DCHS2: variants seen among roughly 807,000 people sequenced by gnomAD.
DCHS2 encodes dachsous cadherin-related 2.
A neutral mutation model predicts 182.4 loss-of-function variants in DCHS2; 142 were observed. The observed-to-expected ratio is 0.78, with a 90% confidence interval of 0.68 to 0.89. The LOEUF (loss-of-function observed/expected upper bound fraction) is 0.89, where lower values mean the gene tolerates loss of function less well. Among genes scored for constraint, DCHS2 ranks in the 40% least tolerant of loss-of-function variants. The pLI, the probability that DCHS2 is intolerant of heterozygous loss-of-function variation, is 0.00. For missense variants in DCHS2, 4,319 were observed against 4,198.6 expected, an observed-to-expected ratio of 1.03 and a Z score of -0.79; for synonymous variants, 1,740 against 1,663.3, an observed-to-expected ratio of 1.05 and a Z score of -1.12.
chr4:154,439,123 C>T (rs1733893892), intron 1 of DCHS2, among the ~76,000 whole-genome samples: 2 of 152,168 alleles, frequency 1.3e-5, no homozygotes, highest in South Asian at 4.1e-4. Flanking sequence ...TTTGACAATA[C>T]ATTTAATACA....
chr4:154,242,923 T>G lies in DCHS2; in HGVS notation c.6942-151A>C. 4.8e-6 allele frequency: 6 copies of G among 1,260,780 alleles called. No homozygotes were observed. The South Asian group carries it at 1.0e-4, about 21-fold the overall frequency. 78.1% of individuals were successfully genotyped at this position (1,260,780 alleles called of 1,614,324 possible). ...ATTTTCTAAATGGCATCATTTAAAA[T>G]GTATTTCATAAGAATGGTACTCTGA... is the stretch of plus-strand genomic sequence containing the variant. On this transcript the variant is annotated intron_variant, in intron 16 of 19. Coordinates refer to ENST00000357232, the MANE Select transcript of DCHS2 (RefSeq NM_001358235.2).
At chr4:154,265,071 C>A (rs539669227) in intron 14 of DCHS2, among the ~76,000 whole-genome samples, 1 of 152,136 alleles carries the variant, frequency 6.6e-6, no homozygotes, top group Non-Finnish European at 1.5e-5. Context: ...TAACTTCAGA[C>A]AGGGGAAAGT....
At chr4:154,399,530 T>C (rs1349578982) in intron 1 of DCHS2, among the ~76,000 whole-genome samples, 1 of 152,082 alleles carries the variant, frequency 6.6e-6, no homozygotes, top group Non-Finnish European at 1.5e-5. Context: ...CTGGAGGTAA[T>C]GGCTAAAAAC....
At chr4:154,250,156 C>T (rs1038999029) in intron 16 of DCHS2, among the ~76,000 whole-genome samples, 1 of 152,128 alleles carries the variant, frequency 6.6e-6, no homozygotes, top group African/African-American at 2.4e-5. Flanking sequence ...GAGAGTCTCA[C>T]AACCAATACC....
rs1735165084 is a variant in DCHS2, at chr4:154,464,718, G to C, written c.2052+24586C>G. ...ATGGGTTCCAGCAGGGAGAACTAGA[G>C]ACTGAGGCTGAACAGGATTTGCAAT... On this transcript the variant is annotated intron_variant, in intron 1 of 19. Coordinates refer to ENST00000357232, the MANE Select transcript of DCHS2 (RefSeq NM_001358235.2). 2.0e-5 allele frequency among the ~76,000 whole-genome samples: 3 copies of C among 152,262 alleles called. No individual in the cohort carries two copies. The South Asian group carries it at 6.2e-4, about 32-fold the overall frequency.
At chr4:154,354,315 T>G (rs529082237) in intron 3 of DCHS2, among the ~76,000 whole-genome samples, 32 of 152,370 alleles carry the variant, frequency 2.1e-4, no homozygotes, top group Middle Eastern at 3.4e-3. Flanking sequence ...ATTTTAGTAT[T>G]TTCCCCTGTC....
chr4:154,296,498 A>G (rs1470180081), intron 13 of DCHS2, among the ~76,000 whole-genome samples: 1 of 152,196 alleles, frequency 6.6e-6, no homozygotes, highest in Admixed American at 6.5e-5. Flanking sequence ...AAGAACTTTT[A>G]CCAACCAAAA....
chr4:154,423,432 G>T (rs1025622595), intron 1 of DCHS2, among the ~76,000 whole-genome samples: 2 of 152,104 alleles, frequency 1.3e-5, no homozygotes, highest in Non-Finnish European at 1.5e-5. Flanking sequence ...TGAATAATTG[G>T]TTGTCTCTCC....
intron 5 of DCHS2, among the ~76,000 whole-genome samples, chr4:154,331,919 CTT>C (rs1736546471): frequency 6.6e-6 from 1 of 152,154 alleles, no homozygotes; most frequent in Non-Finnish European, 1.5e-5. Flanking sequence ...TTAATTCAGA[CTT>C]TAAAAATTTC....
chr4:154,468,798 A>G (rs1470568810), intron 1 of DCHS2, among the ~76,000 whole-genome samples: 2 of 152,182 alleles, frequency 1.3e-5, no homozygotes. Flanking sequence ...CAAACTATTC[A>G]TTAAAATACC....
intron 2 of DCHS2, among the ~76,000 whole-genome samples, chr4:154,370,815 C>T (rs962768177): frequency 2.0e-5 from 3 of 152,034 alleles, no homozygotes; most frequent in African/African-American, 4.8e-5. Flanking sequence ...GTCAGATTTA[C>T]GTAGGGCTGG....
intron 13 of DCHS2, among the ~76,000 whole-genome samples, chr4:154,275,972 G>A (rs1034027024): frequency 2.6e-5 from 4 of 152,078 alleles, no homozygotes; most frequent in African/African-American, 9.7e-5. Flanking sequence ...CTTCAAACTA[G>A]ACACTGAAGT....
At chr4:154,482,364 C>T (rs1735955156) in intron 1 of DCHS2, among the ~76,000 whole-genome samples, 1 of 152,116 alleles carries the variant, frequency 6.6e-6, no homozygotes, top group Non-Finnish European at 1.5e-5. Flanking sequence ...CTTCTTGACA[C>T]TAACAGATGA....
intron 1 of DCHS2, among the ~76,000 whole-genome samples, chr4:154,409,809 A>C (rs756866593): frequency 1.2e-4 from 19 of 152,216 alleles, no homozygotes; most frequent in Non-Finnish European, 1.8e-4. Flanking sequence ...AAAAGGTCCC[A>C]AAAGCCCTCA....
At chr4:154,393,413 G>A (rs1008248178) in intron 1 of DCHS2, among the ~76,000 whole-genome samples, 5 of 152,116 alleles carry the variant, frequency 3.3e-5, no homozygotes, top group Admixed American at 1.3e-4. Flanking sequence ...TAACACATAC[G>A]GAGTTAAGAC....
intron 1 of DCHS2, among the ~76,000 whole-genome samples, chr4:154,450,846 A>G (rs1451401186): frequency 1.3e-5 from 2 of 152,110 alleles, no homozygotes; most frequent in Non-Finnish European, 2.9e-5. Context: ...AAAGAAAAAA[A>G]AATTTAGGCG....
chr4:154,409,622 A>T (rs1191050148), intron 1 of DCHS2, among the ~76,000 whole-genome samples: 1 of 151,964 alleles, frequency 6.6e-6, no homozygotes, highest in African/African-American at 2.4e-5. Context: ...GTACCCCAAG[A>T]CCCTGGTGCC....
At position 154,315,738 on chromosome 4, in the gene DCHS2, T is replaced by C. The variant is rs776891307; in HGVS notation, c.5260+10A>G. The C allele has an allele frequency of 6.2e-7, 1 of 1,610,018 alleles. No homozygotes were observed. Among genetic ancestry groups the C allele is most frequent in the Non-Finnish European group, 8.5e-7 (1 of 1,177,872 alleles). ...GCATTAAATACCCAGTTTCTGTATT[T>C]CTAAATTACCTGAATCTCTGTCCAG... On this transcript the variant is annotated intron_variant, in intron 10 of 19. Coordinates refer to ENST00000357232, the MANE Select transcript of DCHS2 (RefSeq NM_001358235.2).
chr4:154,271,787 T>C (rs1733609763), intron 13 of DCHS2, among the ~76,000 whole-genome samples: 1 of 152,196 alleles, frequency 6.6e-6, no homozygotes, highest in South Asian at 2.1e-4. Flanking sequence ...CATACAATAA[T>C]CTGTACATAT....
Sources: gnomAD v4.1 joint callset for allele counts (sites outside exome capture counted in the v4.1 genomes callset) on GRCh38, gnomAD v4.1.1 for gene constraint, MANE v1.5 for transcripts, NCBI Gene and HGNC (gene_info 2026-07-23, HGNC 2026-07-21) for gene names.